ANO10: variants seen among roughly 807,000 people sequenced by gnomAD.
ANO10 encodes the protein anoctamin-10.
ANO10 carries 77 observed loss-of-function variants against 74.7 expected under a neutral mutation model. That is an observed-to-expected ratio of 1.03 (90% CI 0.86 to 1.25). ANO10 has a LOEUF of 1.25. Among genes scored for constraint, ANO10 ranks in the 50% most tolerant of loss-of-function variants. ANO10 has a pLI of 0.00. For missense variants in ANO10, 721 were observed against 778.1 expected (o/e 0.93, Z 0.87); for synonymous variants, 279 against 284.9 (o/e 0.98, Z 0.21).
At chr3:43,580,207 C>T (rs2081200375) in intron 5 of ANO10, 146 bp downstream of exon 5, 2 of 1,109,076 alleles carry the variant, frequency 1.8e-6, no homozygotes, top group African/African-American at 1.5e-5. Flanking sequence ...TTATTCCCTC[C>T]ATCAAAATGT....
At chr3:43,643,969 C>A (rs960777186) in intron 1 of ANO10, among the ~76,000 whole-genome samples, 1 of 152,148 alleles carries the variant, frequency 6.6e-6, no homozygotes, top group African/African-American at 2.4e-5. Context: ...CATGCGTGAG[C>A]CACCGCTGAG....
intron 12 of ANO10, among the ~76,000 whole-genome samples, chr3:43,386,648 CGTGTGT>C (rs36065814): frequency 0.016 from 2,278 of 139,978 alleles, 25 homozygotes; most frequent in Non-Finnish European, 0.024. Flanking sequence ...TAGGTGTGTA[CGTGTGT>C]GTGTGTGTGT....
chr3:43,643,874 CG>C (rs1234419471), intron 1 of ANO10, among the ~76,000 whole-genome samples: 1 of 151,636 alleles, frequency 6.6e-6, no homozygotes, highest in African/African-American at 2.4e-5. Flanking sequence ...TTAGTAGAGA[CG>C]GGGTTTCACT....
intron 11 of ANO10, among the ~76,000 whole-genome samples, chr3:43,543,096 A>C (rs371725944): frequency 1.3e-5 from 2 of 152,210 alleles, no homozygotes; most frequent in East Asian, 3.9e-4. Flanking sequence ...ACATTTGTAT[A>C]GTTTCAAATA....
chr3:43,535,882 C>T (rs900025766), intron 11 of ANO10, among the ~76,000 whole-genome samples: 6 of 152,142 alleles, frequency 3.9e-5, no homozygotes, highest in African/African-American at 1.2e-4. Context: ...GATTATAAAA[C>T]TCTCCTGAAG....
intron 11 of ANO10, among the ~76,000 whole-genome samples, chr3:43,444,122 C>T (rs996634489): frequency 6.6e-6 from 1 of 152,152 alleles, no homozygotes; most frequent in African/African-American, 2.4e-5. Flanking sequence ...AAAATATAAT[C>T]TCCATTGTAG....
intron 11 of ANO10, among the ~76,000 whole-genome samples, chr3:43,442,720 GCCACA>G (rs924214506): frequency 6.6e-6 from 1 of 152,112 alleles, no homozygotes; most frequent in African/African-American, 2.4e-5. Flanking sequence ...AAATATTTTA[GCCACA>G]CAGTCTCTGT....
chr3:43,406,442 G>C (rs1195681614), intron 12 of ANO10, among the ~76,000 whole-genome samples: 1 of 152,160 alleles, frequency 6.6e-6, no homozygotes, highest in Admixed American at 6.5e-5. Flanking sequence ...TACTGAAATA[G>C]GGGCAAAAAA....
At chr3:43,673,340 C>A (rs2084082591) in intron 1 of ANO10, among the ~76,000 whole-genome samples, 1 of 152,200 alleles carries the variant, frequency 6.6e-6, no homozygotes, top group Non-Finnish European at 1.5e-5. Context: ...CCGTATTCAA[C>A]TGAAGGATGC....
At chr3:43,414,775 T>A (rs1022511552) in intron 12 of ANO10, among the ~76,000 whole-genome samples, 1 of 152,138 alleles carries the variant, frequency 6.6e-6, no homozygotes, top group African/African-American at 2.4e-5. Flanking sequence ...TCTCTAAGCA[T>A]GGAAATATTT....
intron 12 of ANO10, among the ~76,000 whole-genome samples, chr3:43,388,486 CTT>C (rs1559499599): frequency 6.6e-6 from 1 of 152,110 alleles, no homozygotes; most frequent in Non-Finnish European, 1.5e-5. Flanking sequence ...TCCGAAGGCT[CTT>C]TTGTTTTCTT....
chr3:43,473,656 GGTTTCTCAACCTCAGC>G (rs1365687862), intron 11 of ANO10, among the ~76,000 whole-genome samples: 1 of 152,198 alleles, frequency 6.6e-6, no homozygotes, highest in South Asian at 2.1e-4. Context: ...TTTAACTGAA[GGTTTCTCAACCTCAGC>G]GTTTCTCAAC....
At chr3:43,603,268 T>C (rs367817584) in intron 2 of ANO10, among the ~76,000 whole-genome samples, 1 of 152,202 alleles carries the variant, frequency 6.6e-6, no homozygotes, top group African/African-American at 2.4e-5. Flanking sequence ...AACTCTTTCT[T>C]CACTCTGCCC....
intron 1 of ANO10, among the ~76,000 whole-genome samples, chr3:43,606,644 T>C (rs1227511102): frequency 6.7e-6 from 1 of 149,516 alleles, no homozygotes; most frequent in African/African-American, 2.5e-5. Flanking sequence ...TGAATATAAC[T>C]ACTAAAAAAA....
chr3:43,485,010 G>T, intron 11 of ANO10: 1 of 1,467,068 alleles, frequency 6.8e-7, no homozygotes, highest in Non-Finnish European at 9.3e-7. Context: ...GTGAGGCGTG[G>T]CTTGTGCTGA....
At chr3:43,582,809 C>T (rs1405913748) in intron 4 of ANO10, among the ~76,000 whole-genome samples, 2 of 152,160 alleles carry the variant, frequency 1.3e-5, no homozygotes, top group Admixed American at 6.5e-5. Context: ...GCCTCTGGTA[C>T]TGTCGAATCC....
intron 1 of ANO10, among the ~76,000 whole-genome samples, chr3:43,658,250 C>T (rs1026029747): frequency 5.9e-5 from 9 of 152,060 alleles, no homozygotes; most frequent in East Asian, 1.9e-4. Context: ...GATAGGTCAT[C>T]GAGAAAGGCC....
At chr3:43,593,624 T>G (rs983982828) in intron 4 of ANO10, among the ~76,000 whole-genome samples, 1 of 152,098 alleles carries the variant, frequency 6.6e-6, no homozygotes, top group Non-Finnish European at 1.5e-5. Context: ...AAACATGGAT[T>G]GGAACAACCG....
intron 12 of ANO10, among the ~76,000 whole-genome samples, chr3:43,410,938 C>G (rs751130491): frequency 6.6e-6 from 1 of 151,766 alleles, no homozygotes. Context: ...CCTGAATAAA[C>G]GACTGCAGTT....
Sources: gnomAD v4.1 joint callset for allele counts (sites outside exome capture counted in the v4.1 genomes callset) on GRCh38, gnomAD v4.1.1 for gene constraint, MANE v1.5 for transcripts, NCBI Gene and HGNC (gene_info 2026-07-23, HGNC 2026-07-21) for gene names.